The following C12orf54 variants were observed in gnomAD, a reference collection of about 807,000 sequenced individuals.
The protein encoded by C12orf54 is uncharacterized protein C12orf54.
In C12orf54, 24 loss-of-function variants were observed where a neutral mutation model predicts 26.4. The observed-to-expected ratio is 0.91, with a 90% CI of 0.66 to 1.28. The LOEUF is 1.28. C12orf54 is among the 50% of genes most tolerant of loss of function. The pLI is 0.00. For missense variants in C12orf54, 154 were observed against 150.9 expected (o/e 1.02, Z -0.11); for synonymous variants, 54 against 47.0 (o/e 1.15, Z -0.61).
chr12:48,466,572 A>C, the C12orf54 span, among the ~76,000 whole-genome samples: 1 of 152,118 alleles, frequency 6.6e-6, no homozygotes. Context: ...CATGACTTGC[A>C]AATGAAAAGA....
upstream of C12orf54, among the ~76,000 whole-genome samples, chr12:48,477,689 T>A (rs1954157620): frequency 6.6e-6 from 1 of 152,120 alleles, no homozygotes; most frequent in African/African-American, 2.4e-5. Context: ...CTCCCAAGAC[T>A]AAACCAGGAA....
At chr12:48,492,480 C>A (rs1937811252) in intron 6 of C12orf54, among the ~76,000 whole-genome samples, 1 of 152,182 alleles carries the variant, frequency 6.6e-6, no homozygotes, top group Non-Finnish European at 1.5e-5. Context: ...GGAACACCCA[C>A]CTGATTACCT....
chr12:48,477,158 A>G, the C12orf54 span, among the ~76,000 whole-genome samples: 2 of 152,252 alleles, frequency 1.3e-5, no homozygotes, highest in East Asian at 1.9e-4. Flanking sequence ...TGGGTAAATA[A>G]TGAAATGAAG....
At chr12:48,496,023 C>T (rs1937905906) in intron 8 of C12orf54, among the ~76,000 whole-genome samples, 158 bp from the exon 9 acceptor site, 1 of 152,196 alleles carries the variant, frequency 6.6e-6, no homozygotes, top group Non-Finnish European at 1.5e-5. Flanking sequence ...TGGATCTCCT[C>T]CTTAGTTCCT....
chr12:48,418,868 G>A, the C12orf54 span, among the ~76,000 whole-genome samples: 1 of 151,248 alleles, frequency 6.6e-6, no homozygotes, highest in Non-Finnish European at 1.5e-5. Flanking sequence ...AAGTAACATA[G>A]CCCAGAGATA....
chr12:48,439,866 G>A, the C12orf54 span, among the ~76,000 whole-genome samples: 1 of 152,002 alleles, frequency 6.6e-6, no homozygotes, highest in Non-Finnish European at 1.5e-5. Flanking sequence ...CCTGCACGAT[G>A]TGCACATGTA....
At chr12:48,430,630 T>G in the C12orf54 span, among the ~76,000 whole-genome samples, 1 of 151,944 alleles carries the variant, frequency 6.6e-6, no homozygotes, top group African/African-American at 2.4e-5. Flanking sequence ...TGGCCATAAT[T>G]AAAAAAATAA....
chr12:48,463,582 C>T, the C12orf54 span, among the ~76,000 whole-genome samples: 4 of 151,750 alleles, frequency 2.6e-5, no homozygotes, highest in East Asian at 5.8e-4. Flanking sequence ...CCAGCATCAT[C>T]CTGATAGCAA....
chr12:48,441,896 C>T, the C12orf54 span: 1 of 152,084 alleles, frequency 6.6e-6, no homozygotes, highest in Non-Finnish European at 1.5e-5. Flanking sequence ...AAATTTTCCA[C>T]CTTTTCTTAA....
At chr12:48,427,449 C>T in the C12orf54 span, among the ~76,000 whole-genome samples, 1 of 152,090 alleles carries the variant, frequency 6.6e-6, no homozygotes, top group East Asian at 1.9e-4. Context: ...GGTGGATTCG[C>T]TTTTTAATGT....
At chr12:48,493,144 G>A in intron 7 of C12orf54, 149 bp downstream of exon 7, 2 of 684,368 alleles carry the variant, frequency 2.9e-6, no homozygotes, top group South Asian at 1.7e-5. Flanking sequence ...ACCCAACTGT[G>A]TCTACTAATG....
chr12:48,473,256 C>A, the C12orf54 span: 4 of 1,084,426 alleles, frequency 3.7e-6, no homozygotes, highest in Non-Finnish European at 5.6e-6. Context: ...GGAGGAGGAA[C>A]GTGAAGAGGA....
chr12:48,480,009 T>C (rs1446482976), upstream of C12orf54, among the ~76,000 whole-genome samples: 2 of 152,030 alleles, frequency 1.3e-5, no homozygotes, highest in Admixed American at 6.6e-5. Context: ...TTATTTTATA[T>C]ATATATATAA....
At chr12:48,434,582 G>A in the C12orf54 span, among the ~76,000 whole-genome samples, 1 of 152,196 alleles carries the variant, frequency 6.6e-6, no homozygotes, top group Non-Finnish European at 1.5e-5. Context: ...GGAATGATCA[G>A]GCAGCAGCAT....
At chr12:48,438,200 C>T in the C12orf54 span, among the ~76,000 whole-genome samples, 12 of 152,152 alleles carry the variant, frequency 7.9e-5, no homozygotes, top group East Asian at 1.2e-3. Flanking sequence ...TTACAAGGGA[C>T]GTGAAGGACC....
At chr12:48,486,078 C>G in intron 2 of C12orf54, 100 bp from the exon 3 acceptor site, 1 of 1,209,408 alleles carries the variant, frequency 8.3e-7, no homozygotes, top group Non-Finnish European at 1.2e-6. Context: ...AGTATAGAAA[C>G]TTCAAGAATT....
the C12orf54 span, among the ~76,000 whole-genome samples, chr12:48,433,246 A>G: frequency 6.6e-6 from 1 of 152,224 alleles, no homozygotes; most frequent in African/African-American, 2.4e-5. Context: ...AGCCACGGCT[A>G]CAGTGCTTGT....
chr12:48,475,114 G>A, the C12orf54 span, among the ~76,000 whole-genome samples: 1 of 152,158 alleles, frequency 6.6e-6, no homozygotes, highest in African/African-American at 2.4e-5. Context: ...TGCAGTCACT[G>A]CTGCTGAAAC....
chr12:48,490,211 C>T (rs1459946594), intron 5 of C12orf54, among the ~76,000 whole-genome samples: 1 of 152,198 alleles, frequency 6.6e-6, no homozygotes, highest in Non-Finnish European at 1.5e-5. Context: ...GTGTGTCTCC[C>T]ACCCCTAAAG....
Sources: gnomAD v4.1 joint callset for allele counts (sites outside exome capture counted in the v4.1 genomes callset) on GRCh38, gnomAD v4.1.1 for gene constraint, MANE v1.5 for transcripts, NCBI Gene and HGNC (gene_info 2026-07-23, HGNC 2026-07-21) for gene names.